The following EOGT variants were observed in gnomAD, a reference collection of about 807,000 sequenced individuals.
EOGT encodes EGF domain specific O-linked N-acetylglucosamine transferase, also known as EGF domain-specific O-linked N-acetylglucosamine transferase.
EOGT carries 55 observed loss-of-function variants against 70.5 expected under a neutral mutation model. The observed-to-expected ratio is 0.78, with a 90% CI of 0.63 to 0.98. EOGT has a LOEUF of 0.98. EOGT is among the 50% of genes least tolerant of loss of function. The pLI is 0.00. For synonymous variants in EOGT, 246 were observed against 217.1 expected (o/e 1.13, Z -1.17); for missense variants, 703 against 641.9 (o/e 1.10, Z -1.03).
intron 15 of EOGT, among the ~76,000 whole-genome samples, chr3:68,982,377 G>A (rs560335647): frequency 7.2e-5 from 11 of 152,074 alleles, no homozygotes; most frequent in Admixed American, 3.3e-4. Flanking sequence ...AAAATTAGCC[G>A]GATATGGTGG....
At chr3:68,978,701 A>G (rs548404509) in intron 16 of EOGT, among the ~76,000 whole-genome samples, 1 of 152,320 alleles carries the variant, frequency 6.6e-6, no homozygotes, top group East Asian at 1.9e-4. Flanking sequence ...TGGACTTGGC[A>G]TGACCTTATA....
intron 7 of EOGT, 96 bp from the exon 8 acceptor site, chr3:69,004,578 G>C (rs2091390678): frequency 1.3e-6 from 1 of 764,144 alleles, no homozygotes; most frequent in Non-Finnish European, 2.2e-6. Context: ...TTTCCAAACT[G>C]AATTTTTTAA....
At chr3:68,989,767 A>G (rs868132205) in intron 10 of EOGT, among the ~76,000 whole-genome samples, 488 of 149,010 alleles carry the variant, frequency 3.3e-3, no homozygotes, top group African/African-American at 0.011. Context: ...AAAAAAAAAA[A>G]AAAGAAAGGT....
chr3:69,008,292 C>A, intron 5 of EOGT, 136 bp downstream of exon 5: 1 of 682,680 alleles, frequency 1.5e-6, no homozygotes, highest in Non-Finnish European at 2.6e-6. Flanking sequence ...AAGTTGAATT[C>A]ATGACTGTGC....
At chr3:68,993,492 C>T (rs2091054889) in intron 10 of EOGT, among the ~76,000 whole-genome samples, 1 of 152,174 alleles carries the variant, frequency 6.6e-6, no homozygotes. Flanking sequence ...GTCCATATCA[C>T]TATCAGCATT....
rs1375914652 is a variant in EOGT at position 68,976,910 on chromosome 3, C to T, written c.*708G>A. ...TGCGTGGTGGCTCACACCTGTAATC[C>T]CAGCACTTTGGGAGGCAAGGTGGGA... On this transcript the variant is annotated 3_prime_UTR_variant, in exon 18 of 18. Transcript: ENST00000383701. The T allele has an allele frequency of 6.6e-6, 1 of 152,606 alleles. No individual in the cohort carries two copies. The highest frequency in any genetic ancestry group is 1.5e-5 in the Non-Finnish European group (1 of 68,102). 9.5% of individuals were successfully genotyped at this position (152,606 alleles called of 1,614,324 possible).
intron 9 of EOGT, among the ~76,000 whole-genome samples, chr3:69,001,340 A>C (rs2091288275): frequency 6.6e-6 from 1 of 152,220 alleles, no homozygotes; most frequent in South Asian, 2.1e-4. Context: ...TTTAGTTACA[A>C]AAGGCATAAA....
chr3:68,995,601 C>T (rs1287878308), intron 10 of EOGT, among the ~76,000 whole-genome samples: 2 of 152,128 alleles, frequency 1.3e-5, no homozygotes, highest in African/African-American at 4.8e-5. Context: ...AGCTGGCTCA[C>T]TTACAGTGAG....
intron 2 of EOGT, 196 bp downstream of exon 2, chr3:69,012,319 C>T (rs1391333645): frequency 6.6e-6 from 1 of 152,282 alleles, no homozygotes; most frequent in African/African-American, 2.4e-5. Context: ...AAACAACTTT[C>T]CCATTCTCAC....
At chr3:68,982,768 A>G (rs1206018951) in intron 15 of EOGT, 43 bp downstream of exon 15, 1 of 1,508,750 alleles carries the variant, frequency 6.6e-7, no homozygotes, top group Admixed American at 1.9e-5. Context: ...GACCTCATCC[A>G]AGCAAAAGTT....
chr3:69,012,959 C>A (rs376455913), intron 1 of EOGT, among the ~76,000 whole-genome samples, 160 bp from the exon 2 acceptor site: 3 of 152,050 alleles, frequency 2.0e-5, no homozygotes, highest in African/African-American at 4.8e-5. Context: ...ACACGTGAGA[C>A]CCCGAATGAC....
At chr3:68,977,980 A>G (rs1446651128) in intron 17 of EOGT, among the ~76,000 whole-genome samples, 1 of 152,230 alleles carries the variant, frequency 6.6e-6, no homozygotes, top group Non-Finnish European at 1.5e-5. Flanking sequence ...GAAGTGCACA[A>G]ACAACTAGAG....
At chr3:69,001,997 C>T (rs1343489314) in intron 8 of EOGT, among the ~76,000 whole-genome samples, 7 of 152,194 alleles carry the variant, frequency 4.6e-5, no homozygotes, top group Admixed American at 4.6e-4. Context: ...CAAGACCATC[C>T]TGGTCAACAC....
intron 10 of EOGT, among the ~76,000 whole-genome samples, chr3:68,994,411 G>A (rs2107278043): frequency 6.6e-6 from 1 of 152,290 alleles, no homozygotes; most frequent in South Asian, 2.1e-4. Flanking sequence ...CAGGGAATTG[G>A]AGAGGAAGAA....
intron 10 of EOGT, among the ~76,000 whole-genome samples, chr3:68,993,960 C>CA (rs2091071791): frequency 6.6e-6 from 1 of 151,222 alleles, no homozygotes; most frequent in Non-Finnish European, 1.5e-5. Flanking sequence ...GTCCCTCCCA[C>CA]AACATGTGGG....
rs140016031 is a variant in EOGT at position 69,009,776 on chromosome 3, G to C, written c.71C>G (p.Pro24Arg). Residue 24 changes from proline (P) to arginine (R), a missense_variant, in exon 4 of 18, where the codon CCT becomes CGT. Physicochemically the swap from Pro to Arg is moderately radical, Grantham distance 103. Coordinates refer to ENST00000383701, the MANE Select transcript of EOGT (RefSeq NM_001278689.2). ...TTCGCCTGGAATGCTGTGAGTATTAGGAGGAGCTTCATTCTGACCACTCAG... is the reference window on the plus strand; with the variant it reads ...TTCGCCTGGAATGCTGTGAGTATTACGAGGAGCTTCATTCTGACCACTCAG... ...VSLSGQNEAP[P>R]NTHSIPGEPL... 2,521 of 1,614,054 alleles carry C rather than the reference G, an allele frequency of 1.6e-3. 47 individuals carry two copies. In the South Asian group the frequency reaches 0.02, roughly 13 times the overall value.
In EOGT at chr3:68,977,484, T is replaced by C. The variant is rs1466931278; in HGVS notation, c.*134A>G. ...TTAACATCTATACAACACATAACAATATCCTGAAGGTATGTTTTGGCATAG... is the reference window on the plus strand; with the variant it reads ...TTAACATCTATACAACACATAACAACATCCTGAAGGTATGTTTTGGCATAG... On this transcript the variant is annotated 3_prime_UTR_variant, in exon 18 of 18. Coordinates refer to ENST00000383701, the MANE Select transcript of EOGT (RefSeq NM_001278689.2). 3.5e-6 allele frequency: 3 copies of C among 866,900 alleles called. No individual in the cohort carries two copies. The highest frequency in any genetic ancestry group is 3.4e-5 in the African/African-American group (2 of 58,614). 53.7% of individuals were successfully genotyped at this position (866,900 alleles called of 1,614,324 possible). A position where few individuals can be genotyped will look rare whatever the true frequency, so the allele number is the denominator to read the frequency against.
chr3:69,004,591 G>T (rs1393018199), intron 7 of EOGT, 109 bp from the exon 8 acceptor site: 1 of 695,118 alleles, frequency 1.4e-6, no homozygotes, highest in Non-Finnish European at 2.5e-6. Context: ...TTTTTTAAAA[G>T]AATTTAACTA....
intron 8 of EOGT, among the ~76,000 whole-genome samples, chr3:69,003,382 C>A (rs924891704): frequency 6.6e-6 from 1 of 152,082 alleles, no homozygotes; most frequent in Non-Finnish European, 1.5e-5. Context: ...TGGGAGGCAC[C>A]CGGTGGGAGG....
Sources: gnomAD v4.1 joint callset for allele counts (sites outside exome capture counted in the v4.1 genomes callset) on GRCh38, gnomAD v4.1.1 for gene constraint, MANE v1.5 for transcripts, NCBI Gene and HGNC (gene_info 2026-07-23, HGNC 2026-07-21) for gene names.